MTA3: variants seen among roughly 807,000 people sequenced by gnomAD.
The protein encoded by MTA3 is metastasis associated 1 family member 3.
In MTA3, 34 loss-of-function variants were observed where a neutral mutation model predicts 83.5. The observed-to-expected ratio is 0.41, with a 90% CI of 0.31 to 0.54. MTA3 has a LOEUF of 0.54. Among genes scored for constraint, MTA3 ranks in the 20% least tolerant of loss-of-function variants. The pLI, the probability that MTA3 is intolerant of heterozygous loss-of-function variation, is 0.33. For synonymous variants in MTA3, 303 were observed against 252.7 expected (o/e 1.20, Z -1.89); for missense variants, 761 against 726.4 (o/e 1.05, Z -0.55).
chr2:42,597,538 A>C (rs1681956138), intron 3 of MTA3, among the ~76,000 whole-genome samples: 1 of 149,426 alleles, frequency 6.7e-6, no homozygotes, highest in East Asian at 2.0e-4. Context: ...GGCGTGCACT[A>C]CCACGCCCAG....
intron 9 of MTA3, among the ~76,000 whole-genome samples, chr2:42,694,440 T>TA (rs1412322021): frequency 6.6e-6 from 1 of 152,210 alleles, no homozygotes; most frequent in Admixed American, 6.5e-5. Context: ...TTCCAACCGA[T>TA]AGGATAGGTG....
rs541274691 is a variant in MTA3 at position 42,723,149 on chromosome 2, A to C, written c.1759+114A>C. Reference sequence around the variant, plus strand: ...AGCATGTTCTTGTATTCCATGATTGAAGTATGTGGTTGAGGAATAAGGGGG... The same window carrying C: ...AGCATGTTCTTGTATTCCATGATTGCAGTATGTGGTTGAGGAATAAGGGGG... On this transcript the variant is annotated intron_variant, in intron 16 of 16. Transcript: ENST00000405094. 5 of 1,266,410 alleles carry C rather than the reference A, an allele frequency of 3.9e-6. No individual in the cohort carries two copies. The South Asian group carries it at 6.1e-5, about 15-fold the overall frequency. The allele number at this position is 1,266,410 out of a possible 1,614,324, so 78.4% of individuals were successfully genotyped here. A position where few individuals can be genotyped will look rare whatever the true frequency, so the allele number is the denominator to read the frequency against.
At position 42,711,581 on chromosome 2, in the gene MTA3, T is replaced by C. The variant is rs1395775908; in HGVS notation, c.1525+2485T>C. Among the ~76,000 whole-genome samples, 4 of 152,196 alleles carry C rather than the reference T, an allele frequency of 2.6e-5. No individual in the cohort carries two copies. The East Asian group carries it at 7.7e-4, about 29-fold the overall frequency. ...AGTGTTTCAGCAGCCGTCTACTCTT[T>C]TTTATTTTTCAGACAAGCAATGAAC... On this transcript the variant is annotated intron_variant, in intron 14 of 16. Transcript: ENST00000405094.
chr2:42,705,711 C>G lies in MTA3; in HGVS notation c.1150+1393C>G, dbSNP rs6753230. ...ACAGAGTGAAACATCGTCTCCCCCC[C>G]GCCCCCAAAAAAAAAATTAACTTGC... On this transcript the variant is annotated intron_variant, in intron 12 of 16. Transcript: ENST00000405094. Among the ~76,000 whole-genome samples, 230 of 151,852 alleles carry G rather than the reference C, an allele frequency of 1.5e-3. 2 individuals carry two copies. The highest frequency in any genetic ancestry group is 5.1e-3 in the African/African-American group (213 of 41,418).
At chr2:42,581,360 C>CTTTTT (rs778419810) in intron 3 of MTA3, among the ~76,000 whole-genome samples, 8 of 88,260 alleles carry the variant, frequency 9.1e-5, no homozygotes, top group South Asian at 3.6e-4. Flanking sequence ...TCCCAAATTG[C>CTTTTT]TTTTTTTTTT....
chr2:42,520,803 C>G (rs573033498), intron 2 of MTA3, among the ~76,000 whole-genome samples: 2 of 152,016 alleles, frequency 1.3e-5, no homozygotes, highest in Admixed American at 6.6e-5. Context: ...TAGCCTCAAG[C>G]GATTCTCCTG....
At chr2:42,580,116 A>T (rs1355744876) in intron 3 of MTA3, among the ~76,000 whole-genome samples, 2 of 151,680 alleles carry the variant, frequency 1.3e-5, no homozygotes, top group Non-Finnish European at 2.9e-5. Flanking sequence ...GCTAATTTTA[A>T]AAAAGCGTGT....
At chr2:42,537,290 G>A (rs1572943951) in intron 2 of MTA3, among the ~76,000 whole-genome samples, 2 of 152,164 alleles carry the variant, frequency 1.3e-5, no homozygotes, top group African/African-American at 2.4e-5. Context: ...TTGGCCAGGT[G>A]CAGTGGCTCA....
At chr2:42,587,456 C>T (rs1394787420) in intron 3 of MTA3, among the ~76,000 whole-genome samples, 1 of 152,132 alleles carries the variant, frequency 6.6e-6, no homozygotes, top group Non-Finnish European at 1.5e-5. Flanking sequence ...GTGTCTTTTC[C>T]AGTGAGAATT....
intron 3 of MTA3, among the ~76,000 whole-genome samples, chr2:42,600,479 T>C (rs1682422162): frequency 6.7e-6 from 1 of 148,364 alleles, no homozygotes; most frequent in Admixed American, 6.9e-5. Context: ...ATAGTATATA[T>C]GGCCCATGTT....
chr2:42,505,066 C>T (rs113007416), intron 2 of MTA3, among the ~76,000 whole-genome samples: 99 of 152,178 alleles, frequency 6.5e-4, no homozygotes, highest in African/African-American at 2.2e-3. Flanking sequence ...GTTATTATTA[C>T]TCCCATTTTG....
At chr2:42,679,462 G>A (rs1461240057) in intron 8 of MTA3, among the ~76,000 whole-genome samples, 2 of 152,214 alleles carry the variant, frequency 1.3e-5, no homozygotes, top group African/African-American at 4.8e-5. Context: ...ACAGAGTGAA[G>A]CAAGGAAAGA....
intron 2 of MTA3, among the ~76,000 whole-genome samples, chr2:42,496,773 C>A (rs539147224): frequency 2.0e-5 from 3 of 152,256 alleles, no homozygotes; most frequent in African/African-American, 7.2e-5. Flanking sequence ...CACTCTGTTT[C>A]CAGGGCCTGG....
chr2:42,538,377 T>A (rs1676351254), intron 2 of MTA3, among the ~76,000 whole-genome samples: 1 of 152,070 alleles, frequency 6.6e-6, no homozygotes, highest in Non-Finnish European at 1.5e-5. Flanking sequence ...TTTCTGTAGA[T>A]TTGAGCTTTT....
At chr2:42,735,890 C>A (rs972330509) in intron 16 of MTA3, among the ~76,000 whole-genome samples, 4 of 152,102 alleles carry the variant, frequency 2.6e-5, no homozygotes, top group African/African-American at 9.7e-5. Context: ...ATTTTGAATT[C>A]TCTGTCTGAA....
chr2:42,548,073 A>T (rs1359931739), intron 2 of MTA3, among the ~76,000 whole-genome samples: 1 of 152,220 alleles, frequency 6.6e-6, no homozygotes, highest in Non-Finnish European at 1.5e-5. Flanking sequence ...GGCCACCCAT[A>T]CAGTAGAGAG....
intron 4 of MTA3, among the ~76,000 whole-genome samples, chr2:42,629,637 G>A (rs1686480778): frequency 6.6e-6 from 1 of 152,028 alleles, no homozygotes; most frequent in African/African-American, 2.4e-5. Flanking sequence ...GGCTTTTGGA[G>A]TGAGCCGAAG....
At chr2:42,607,938 G>A (rs908435831) in intron 3 of MTA3, among the ~76,000 whole-genome samples, 2 of 152,126 alleles carry the variant, frequency 1.3e-5, no homozygotes, top group Non-Finnish European at 2.9e-5. Flanking sequence ...GTGACAGAGC[G>A]AGACTCCGTC....
intron 16 of MTA3, chr2:42,723,452 C>A (rs140716284): frequency 0.011 from 1,667 of 156,830 alleles, 7 homozygotes; most frequent in Admixed American, 0.015. Context: ...GGCATTTGTC[C>A]CTTCTTTTAC....
Sources: gnomAD v4.1 joint callset for allele counts (sites outside exome capture counted in the v4.1 genomes callset) on GRCh38, gnomAD v4.1.1 for gene constraint, MANE v1.5 for transcripts, NCBI Gene and HGNC (gene_info 2026-07-23, HGNC 2026-07-21) for gene names.